SLC16A7: variants seen among roughly 807,000 people sequenced by gnomAD.
The protein encoded by SLC16A7 is solute carrier family 16 member 7, also known as monocarboxylate transporter 2.
A neutral mutation model predicts 34.9 loss-of-function variants in SLC16A7; 33 were observed. The ratio of observed to expected loss-of-function variants is 0.94; its 90% CI spans 0.72 to 1.26. The LOEUF (loss-of-function observed/expected upper bound fraction) is 1.26. SLC16A7 is among the 50% of genes most tolerant of loss of function. SLC16A7 has a pLI of 0.00. For synonymous variants in SLC16A7, 201 were observed against 206.6 expected, an observed-to-expected ratio of 0.97 and a Z score of 0.23; for missense variants, 573 against 578.1, an observed-to-expected ratio of 0.99 and a Z score of 0.09.
chr12:59,601,125 A>G (rs1318466067), intron 1 of SLC16A7, among the ~76,000 whole-genome samples: 1 of 152,236 alleles, frequency 6.6e-6, no homozygotes, highest in Non-Finnish European at 1.5e-5. Context: ...ATAAATAAAG[A>G]TCCATATACA....
chr12:59,645,597 A>T (rs1019829114), intron 1 of SLC16A7, among the ~76,000 whole-genome samples: 1 of 152,042 alleles, frequency 6.6e-6, no homozygotes, highest in African/African-American at 2.4e-5. Flanking sequence ...TTTCCTTTAT[A>T]TATTACCGAG....
chr12:59,748,689 T>C (rs1879166520), intron 3 of SLC16A7, among the ~76,000 whole-genome samples: 1 of 152,118 alleles, frequency 6.6e-6, no homozygotes, highest in African/African-American at 2.4e-5. Context: ...TAAAAGGAAA[T>C]TTATGAAATT....
intron 3 of SLC16A7, among the ~76,000 whole-genome samples, chr12:59,767,383 C>T (rs1286354753): frequency 6.6e-6 from 1 of 151,942 alleles, no homozygotes; most frequent in Non-Finnish European, 1.5e-5. Context: ...GAAGTAGATG[C>T]TATCTAGGAC....
Position 59,756,209 on chromosome 12 carries a change from T to A in SLC16A7, c.218-15010T>A, listed in dbSNP as rs542065831. Among the ~76,000 whole-genome samples the A allele has an allele frequency of 1.5e-4, 23 of 149,356 alleles. No homozygotes were observed. The South Asian group carries it at 3.9e-3, about 25-fold the overall frequency. Reference sequence around the variant, plus strand: ...GACATAGTCATGGGCAAGGACTTCATGTCTAAAACACCAAAGCAATGGCAA... The same window carrying A: ...GACATAGTCATGGGCAAGGACTTCAAGTCTAAAACACCAAAGCAATGGCAA... On this transcript the variant is annotated intron_variant, in intron 3 of 5. Transcript: ENST00000547379.
At chr12:59,644,430 G>A (rs967113639) in intron 1 of SLC16A7, among the ~76,000 whole-genome samples, 1 of 152,126 alleles carries the variant, frequency 6.6e-6, no homozygotes, top group African/African-American at 2.4e-5. Flanking sequence ...AGCCGAACAT[G>A]TTGGCGCATG....
chr12:59,770,560 A>G (rs955546421), intron 3 of SLC16A7, among the ~76,000 whole-genome samples: 1 of 152,204 alleles, frequency 6.6e-6, no homozygotes, highest in African/African-American at 2.4e-5. Flanking sequence ...ATCAAGCCAC[A>G]GGAAATAATA....
At chr12:59,602,898 C>G (rs1878757416) in intron 1 of SLC16A7, among the ~76,000 whole-genome samples, 1 of 152,132 alleles carries the variant, frequency 6.6e-6, no homozygotes. Context: ...CTGACCTTCC[C>G]TCAACTTTTA....
chr12:59,713,308 C>A (rs1281711419), intron 3 of SLC16A7, among the ~76,000 whole-genome samples: 2 of 152,144 alleles, frequency 1.3e-5, no homozygotes, highest in African/African-American at 2.4e-5. Flanking sequence ...GCATGAGCCA[C>A]CGCACCCAGC....
intron 1 of SLC16A7, among the ~76,000 whole-genome samples, chr12:59,642,008 A>G (rs1880708296): frequency 6.6e-6 from 1 of 152,064 alleles, no homozygotes; most frequent in African/African-American, 2.4e-5. Flanking sequence ...ATTGCTTTAT[A>G]TAGTGTTACA....
At chr12:59,702,051 C>A (rs558174233) in intron 2 of SLC16A7, among the ~76,000 whole-genome samples, 1 of 151,636 alleles carries the variant, frequency 6.6e-6, no homozygotes, top group African/African-American at 2.4e-5. Context: ...AAATGTCCTT[C>A]GGTATTTCCT....
chr12:59,625,762 C>T (rs929141159), intron 1 of SLC16A7, among the ~76,000 whole-genome samples: 2 of 151,782 alleles, frequency 1.3e-5, no homozygotes, highest in African/African-American at 4.8e-5. Context: ...ATAAGCATGT[C>T]TACCTAGGTA....
At chr12:59,747,896 C>T (rs1248801480) in intron 3 of SLC16A7, among the ~76,000 whole-genome samples, 2 of 152,116 alleles carry the variant, frequency 1.3e-5, no homozygotes, top group African/African-American at 4.8e-5. Context: ...GTCTAGATAC[C>T]ATTAATCATA....
At chr12:59,746,722 A>G (rs974577976) in intron 3 of SLC16A7, among the ~76,000 whole-genome samples, 1 of 152,234 alleles carries the variant, frequency 6.6e-6, no homozygotes, top group Admixed American at 6.5e-5. Context: ...GAATATTGAC[A>G]AAGTAACAGC....
chr12:59,753,876 T>A (rs554073346), intron 3 of SLC16A7, among the ~76,000 whole-genome samples: 5 of 152,222 alleles, frequency 3.3e-5, no homozygotes, highest in African/African-American at 1.2e-4. Context: ...CCTCAGCAAA[T>A]GTAAAAGATC....
chr12:59,645,516 C>T (rs770583912), intron 1 of SLC16A7, among the ~76,000 whole-genome samples: 30 of 152,122 alleles, frequency 2.0e-4, no homozygotes, highest in Non-Finnish European at 3.1e-4. Flanking sequence ...GTGTTTGCTT[C>T]CCCTTCTACC....
At chr12:59,712,851 T>C (rs947626024) in intron 3 of SLC16A7, among the ~76,000 whole-genome samples, 4 of 152,102 alleles carry the variant, frequency 2.6e-5, no homozygotes, top group Non-Finnish European at 5.9e-5. Flanking sequence ...TGACATTCTT[T>C]CATGTCCTTA....
chr12:59,622,842 G>A (rs1271859789), intron 1 of SLC16A7, among the ~76,000 whole-genome samples: 1 of 151,690 alleles, frequency 6.6e-6, no homozygotes, highest in Non-Finnish European at 1.5e-5. Context: ...AATTAACGTA[G>A]GTTTTAATTT....
chr12:59,750,906 T>C (rs952124393), intron 3 of SLC16A7, among the ~76,000 whole-genome samples: 2 of 152,172 alleles, frequency 1.3e-5, no homozygotes, highest in African/African-American at 4.8e-5. Context: ...TTCATGTCCT[T>C]TGCAGGGACA....
intron 3 of SLC16A7, among the ~76,000 whole-genome samples, chr12:59,737,085 C>T (rs1877689174): frequency 6.6e-6 from 1 of 152,188 alleles, no homozygotes; most frequent in Admixed American, 6.6e-5. Context: ...ACTCAGATAA[C>T]ATCTGTGCTT....
Sources: allele counts gnomAD v4.1 joint callset (sites outside exome capture counted in the v4.1 genomes callset), GRCh38; gene constraint gnomAD v4.1.1; transcripts MANE v1.5; gene names NCBI Gene and HGNC (gene_info 2026-07-23, HGNC 2026-07-21).